The following PGM5 variants were observed in gnomAD, a reference collection of about 807,000 sequenced individuals.
PGM5 encodes phosphoglucomutase-like protein 5.
PGM5 carries 23 observed loss-of-function variants against 59.2 expected under a neutral mutation model. The ratio of observed to expected loss-of-function variants is 0.39; its 90% CI spans 0.28 to 0.55. The LOEUF is 0.55. PGM5 is among the 20% of genes least tolerant of loss of function. The pLI is 0.66. For synonymous variants in PGM5, 214 were observed against 286.0 expected (o/e 0.75, Z 2.54); for missense variants, 574 against 748.3 (o/e 0.77, Z 2.72).
chr9:68,520,391 G>T (rs1450091861), intron 10 of PGM5, among the ~76,000 whole-genome samples: 2 of 151,668 alleles, frequency 1.3e-5, no homozygotes, highest in African/African-American at 4.8e-5. Flanking sequence ...ATCCACAGTT[G>T]CCCTTGAGTA....
At chr9:68,466,071 TAC>T (rs1360209609) in intron 7 of PGM5, 6 of 1,098,846 alleles carry the variant, frequency 5.5e-6, no homozygotes, top group Non-Finnish European at 7.3e-6. Context: ...AGGCTCCAAT[TAC>T]ACATGTGTTA....
intron 6 of PGM5, among the ~76,000 whole-genome samples, chr9:68,421,948 A>G (rs1554682374): frequency 6.6e-6 from 1 of 152,152 alleles, no homozygotes; most frequent in Non-Finnish European, 1.5e-5. Context: ...TTAGGCAAAT[A>G]TATAAAAAAT....
At chr9:68,406,660 GTATATATATATATATATGTATATATATA>G (rs1241558746) in intron 6 of PGM5, among the ~76,000 whole-genome samples, 1,679 of 57,616 alleles carry the variant, frequency 0.029, 125 homozygotes, top group East Asian at 0.073. Flanking sequence ...ATTAAATTAG[GTATATATATATATATATGTATATATATA>G]TATATATATA....
chr9:68,409,773 C>G (rs1297847628), intron 6 of PGM5, among the ~76,000 whole-genome samples: 11 of 136,804 alleles, frequency 8.0e-5, no homozygotes, highest in African/African-American at 3.0e-4. Flanking sequence ...ATACCTAATG[C>G]TAGATGACGA....
rs781899932 is a variant in PGM5, at chr9:68,499,371, C to T, written c.1614+10C>T. On this transcript the variant is annotated intron_variant, in intron 10 of 10. Transcript: ENST00000396396. ...TGACCAGGAGCCACAGGTACAGAAA[C>T]AGCTGTGCTCCCAGCAGTGTGTCTC... 1.9e-6 allele frequency: 3 copies of T among 1,613,412 alleles called. No individual in the cohort carries two copies. The highest frequency in any genetic ancestry group is 1.7e-5 in the Admixed American group (1 of 59,956).
At chr9:68,406,660 G>GTATATATA (rs1305648432) in intron 6 of PGM5, among the ~76,000 whole-genome samples, 7 of 57,632 alleles carry the variant, frequency 1.2e-4, no homozygotes, top group Non-Finnish European at 2.2e-4. Flanking sequence ...ATTAAATTAG[G>GTATATATA]TATATATATA....
chr9:68,452,746 T>G (rs945521180), intron 6 of PGM5, among the ~76,000 whole-genome samples: 1 of 152,156 alleles, frequency 6.6e-6, no homozygotes, highest in South Asian at 2.1e-4. Context: ...ACTAGGCTAG[T>G]CCCAGAGTGG....
chr9:68,368,644 T>C (rs1258102718), intron 1 of PGM5, among the ~76,000 whole-genome samples: 3 of 152,206 alleles, frequency 2.0e-5, no homozygotes, highest in Non-Finnish European at 4.4e-5. Context: ...TTAGGTTTTT[T>C]TTTTCTTTTT....
chr9:68,438,848 G>C (rs1426082136), intron 6 of PGM5, among the ~76,000 whole-genome samples: 1 of 152,122 alleles, frequency 6.6e-6, no homozygotes, highest in African/African-American at 2.4e-5. Context: ...TGGGGGAGGA[G>C]GGAGAGATTC....
intron 9 of PGM5, among the ~76,000 whole-genome samples, chr9:68,495,907 G>A (rs1181519084): frequency 2.0e-5 from 3 of 152,186 alleles, no homozygotes; most frequent in Non-Finnish European, 2.9e-5. Flanking sequence ...AACATTTTCT[G>A]TAAAGGGCTA....
intron 10 of PGM5, among the ~76,000 whole-genome samples, chr9:68,504,840 G>C (rs140416153): frequency 6.6e-6 from 1 of 152,152 alleles, no homozygotes; most frequent in East Asian, 1.9e-4. Flanking sequence ...GCCCAACGCA[G>C]TTTTGCCAAA....
In PGM5 at chr9:68,529,920, A is replaced by G. The variant is rs1240013322; in HGVS notation, c.*264A>G. 9.9e-6 allele frequency: 3 copies of G among 303,138 alleles called. No individual in the cohort carries two copies. The highest frequency in any genetic ancestry group is 1.8e-5 in the Non-Finnish European group (3 of 163,932). The allele number at this position is 303,138 out of a possible 1,614,324, so 18.8% of individuals were successfully genotyped here. A position where few individuals can be genotyped will look rare whatever the true frequency, so the allele number is the denominator to read the frequency against. On this transcript the variant is annotated 3_prime_UTR_variant, in exon 11 of 11. Coordinates refer to ENST00000396396, the MANE Select transcript of PGM5 (RefSeq NM_021965.4). Reference sequence around the variant, plus strand: ...TATCTACATTTTATCACACAAAGGAACCTCCCCTTTTGACAACAACTGGGC... The same window carrying G: ...TATCTACATTTTATCACACAAAGGAGCCTCCCCTTTTGACAACAACTGGGC...
chr9:68,416,316 C>T (rs1392902811), intron 6 of PGM5, among the ~76,000 whole-genome samples: 22 of 152,162 alleles, frequency 1.4e-4, no homozygotes, highest in Non-Finnish European at 5.9e-5. Context: ...TGTATAAATA[C>T]GTCAGCTCCT....
intron 6 of PGM5, among the ~76,000 whole-genome samples, chr9:68,436,839 C>A (rs1226070456): frequency 1.3e-5 from 2 of 152,190 alleles, no homozygotes; most frequent in Non-Finnish European, 2.9e-5. Context: ...GAATTCAGAA[C>A]CAGATTTATC....
chr9:68,367,684 G>C (rs1172392360), intron 1 of PGM5, among the ~76,000 whole-genome samples: 1 of 151,888 alleles, frequency 6.6e-6, no homozygotes, highest in Non-Finnish European at 1.5e-5. Context: ...GTTTAATCTT[G>C]CTGAGCTGTA....
At chr9:68,505,849 AG>A (rs1457555220) in intron 10 of PGM5, among the ~76,000 whole-genome samples, 1 of 152,134 alleles carries the variant, frequency 6.6e-6, no homozygotes, top group Non-Finnish European at 1.5e-5. Context: ...CCCTCCCTAT[AG>A]GTCACGGGGT....
At chr9:68,498,428 A>T (rs965260146) in intron 9 of PGM5, 6 of 150,878 alleles carry the variant, frequency 4.0e-5, no homozygotes, top group Admixed American at 1.3e-4. Flanking sequence ...ATCTTATGTT[A>T]AAAAAAAATG....
intron 10 of PGM5, among the ~76,000 whole-genome samples, chr9:68,517,597 C>A (rs1367886858): frequency 6.6e-6 from 1 of 152,130 alleles, no homozygotes; most frequent in East Asian, 1.9e-4. Context: ...GCTCAGCTGT[C>A]TTTAATTATT....
intron 7 of PGM5, among the ~76,000 whole-genome samples, chr9:68,469,036 G>C (rs1554686063): frequency 6.6e-6 from 1 of 152,108 alleles, no homozygotes; most frequent in African/African-American, 2.4e-5. Flanking sequence ...TCATGCCTCA[G>C]CCTCCCAAGT....
Sources: gnomAD v4.1 joint callset for allele counts (sites outside exome capture counted in the v4.1 genomes callset) on GRCh38, gnomAD v4.1.1 for gene constraint, MANE v1.5 for transcripts, NCBI Gene and HGNC (gene_info 2026-07-23, HGNC 2026-07-21) for gene names.